ZNF880: variants seen among roughly 807,000 people sequenced by gnomAD.
ZNF880 encodes zinc finger protein 880.
A neutral mutation model predicts 11.8 loss-of-function variants in ZNF880; 12 were observed. The observed-to-expected ratio is 1.02, with a 90% CI of 0.65 to 1.65. ZNF880 has a LOEUF of 1.65. Among genes scored for constraint, ZNF880 ranks in the 40% most tolerant of loss-of-function variants. The pLI, the probability that ZNF880 is intolerant of heterozygous loss-of-function variation, is 0.00. For missense variants in ZNF880, 601 were observed against 673.9 expected (o/e 0.89, Z 1.20); for synonymous variants, 210 against 232.4 (o/e 0.90, Z 0.88).
rs774834152 is a variant in ZNF880 at position 52,385,083 on chromosome 19, T to C, written c.1503T>C (p.Phe501=). The C allele has an allele frequency of 3.2e-6, 5 of 1,559,648 alleles. 1 individual carries two copies. The highest frequency in any genetic ancestry group is 2.4e-5 in the South Asian group (2 of 84,644). Residue 501 remains phenylalanine (F), a synonymous_variant, in exon 4 of 4, where the codon TTT becomes TTC. Transcript: ENST00000422689. ...PYKCSECHKV[F]SHNSHLARHR... is the part of the protein sequence containing the mutation. ...AATGCAGTGAATGTCACAAAGTCTTTAGTCACAATTCACACCTTGCACGAC... is the reference window on the plus strand; with the variant it reads ...AATGCAGTGAATGTCACAAAGTCTTCAGTCACAATTCACACCTTGCACGAC...
At chr19:52,367,988 C>A (rs145727527), upstream of ZNF880, among the ~76,000 whole-genome samples, 65 of 151,638 alleles carry the variant, frequency 4.3e-4, 1 homozygote, top group East Asian at 0.012. Context: ...ATCACGAGGT[C>A]AGGAGATTGA....
In ZNF880 at chr19:52,384,751, CA is replaced by C; in HGVS notation, c.1172del (p.His391ProfsTer5). 3 of 1,610,512 alleles carry C rather than the reference CA, an allele frequency of 1.9e-6. No homozygotes were observed. In the Admixed American group the frequency reaches 5.0e-5, roughly 27 times the overall value. On this transcript the variant is annotated frameshift_variant, in exon 4 of 4. Transcript: ENST00000422689. LOFTEE classifies it low-confidence loss of function (END_TRUNC). ...ECKECGKVFR[H>X]KFCLTNHHRM... ...TAAAGAATGTGGCAAGGTCTTCAGG[CA>C]CAAGTTTTGTCTAACCAATCATCAT... is the stretch of plus-strand genomic sequence containing the variant.
upstream of ZNF880, among the ~76,000 whole-genome samples, chr19:52,368,727 T>C (rs1308328468): frequency 1.3e-5 from 2 of 152,148 alleles, no homozygotes; most frequent in African/African-American, 4.8e-5. Context: ...TTTTCCTACA[T>C]TGCCTCCAAA....
At chr19:52,368,343 A>G (rs1338723485), upstream of ZNF880, among the ~76,000 whole-genome samples, 2 of 152,188 alleles carry the variant, frequency 1.3e-5, no homozygotes, top group Non-Finnish European at 2.9e-5. Flanking sequence ...GTTTTGGTAC[A>G]TTAACTAGAA....
At chr19:52,394,126 A>G in the ZNF880 span, among the ~76,000 whole-genome samples, 40 of 152,174 alleles carry the variant, frequency 2.6e-4, no homozygotes, top group African/African-American at 9.2e-4. Context: ...GGTGTAAGCC[A>G]CTGCACCCGG....
chr19:52,372,905 G>A (rs1377933319), intron 1 of ZNF880, among the ~76,000 whole-genome samples: 36 of 106,112 alleles, frequency 3.4e-4, no homozygotes, highest in Middle Eastern at 7.2e-3. Context: ...GCGAGACTCC[G>A]TCTCAAAAAA....
chr19:52,369,887 G>GGGCCT, upstream of ZNF880: 3 of 1,542,122 alleles, frequency 1.9e-6, no homozygotes, highest in East Asian at 2.4e-5. Context: ...AATCCCACCC[G>GGGCCT]GGCCTGGCCT....
the ZNF880 span, chr19:52,394,727 T>C: frequency 6.6e-6 from 1 of 152,172 alleles, no homozygotes; most frequent in Non-Finnish European, 1.5e-5. Context: ...AAGTCACATA[T>C]CTAATATGGG....
chr19:52,370,052 TCA>T, intron 1 of ZNF880, 75 bp downstream of exon 1: 1 of 1,529,202 alleles, frequency 6.5e-7, no homozygotes, highest in Non-Finnish European at 8.9e-7. Flanking sequence ...ATCTCAGGGG[TCA>T]CACAGACCTT....
upstream of ZNF880, chr19:52,367,499 A>G (rs1024402350): frequency 6.6e-6 from 1 of 152,240 alleles, no homozygotes; most frequent in Non-Finnish European, 1.5e-5. Context: ...TCAGGAGGAT[A>G]CTTTATAGTA....
At chr19:52,388,024 C>T (rs1242496065), downstream of ZNF880, among the ~76,000 whole-genome samples, 3 of 138,490 alleles carry the variant, frequency 2.2e-5, no homozygotes, top group African/African-American at 2.9e-5. Flanking sequence ...TGACTACAGG[C>T]GCGCACCACC....
chr19:52,372,849 G>A (rs924970047), intron 1 of ZNF880, among the ~76,000 whole-genome samples: 1 of 147,194 alleles, frequency 6.8e-6, no homozygotes, highest in Non-Finnish European at 1.5e-5. Context: ...GGCGGAGGTT[G>A]CAGTGAGCCA....
intron 3 of ZNF880, chr19:52,379,352 G>T: frequency 2.5e-6 from 1 of 407,568 alleles, no homozygotes; most frequent in South Asian, 1.8e-5. Context: ...TAATATTTTT[G>T]TCAGTTACGT....
At chr19:52,370,832 C>T (rs1328983419) in intron 1 of ZNF880, among the ~76,000 whole-genome samples, 1 of 152,164 alleles carries the variant, frequency 6.6e-6, no homozygotes, top group African/African-American at 2.4e-5. Flanking sequence ...GCTTGTCATT[C>T]GAGTTACTCG....
downstream of ZNF880, chr19:52,390,335 C>T (rs1447413440): frequency 2.4e-6 from 1 of 425,400 alleles, no homozygotes; most frequent in Non-Finnish European, 4.7e-6. Flanking sequence ...GCCCCAGTCC[C>T]AGGGAGGCCG....
chr19:52,393,192 C>T, the ZNF880 span, among the ~76,000 whole-genome samples: 2 of 152,044 alleles, frequency 1.3e-5, no homozygotes, highest in Admixed American at 6.5e-5. Context: ...CCTGCCTCAG[C>T]CTCCTGAGTA....
the ZNF880 span, among the ~76,000 whole-genome samples, chr19:52,395,320 G>A: frequency 6.6e-5 from 10 of 152,264 alleles, no homozygotes; most frequent in African/African-American, 1.9e-4. Flanking sequence ...ACCTCTAGGG[G>A]AAACTATGCT....
At position 52,385,705 on chromosome 19, in the gene ZNF880, C is replaced by T. The variant is rs1487543017; in HGVS notation, c.*391C>T. On this transcript the variant is annotated 3_prime_UTR_variant, in exon 4 of 4. Transcript: ENST00000422689. Reference sequence around the variant, plus strand: ...GCTCCAAATACGTTGAATCTCATGACGCGATGCATGTCGAAGGTCCAAGGG... The same window carrying T: ...GCTCCAAATACGTTGAATCTCATGATGCGATGCATGTCGAAGGTCCAAGGG... 5.7e-5 allele frequency: 10 copies of T among 174,116 alleles called. No individual in the cohort carries two copies. The East Asian group carries it at 1.3e-3, about 23-fold the overall frequency. The allele number at this position is 174,116 out of a possible 1,614,324, so 10.8% of individuals were successfully genotyped here.
chr19:52,372,143 T>G (rs148045856), intron 1 of ZNF880, among the ~76,000 whole-genome samples: 3,953 of 151,476 alleles, frequency 0.026, 172 homozygotes, highest in African/African-American at 0.091. Context: ...GAGCCAAGAT[T>G]GTGCCACTGC....
Sources: gnomAD v4.1 joint callset for allele counts (sites outside exome capture counted in the v4.1 genomes callset) on GRCh38, gnomAD v4.1.1 for gene constraint, MANE v1.5 for transcripts, NCBI Gene and HGNC (gene_info 2026-07-23, HGNC 2026-07-21) for gene names.